ZNF608: variants seen among roughly 807,000 people sequenced by gnomAD.
The protein encoded by ZNF608 is renal carcinoma antigen NY-REN-36.
In ZNF608, 12 loss-of-function variants were observed where a neutral mutation model predicts 109.0. The observed-to-expected ratio is 0.11, with a 90% CI of 0.07 to 0.18. The LOEUF is 0.18. ZNF608 is among the 10% of genes least tolerant of loss of function. The pLI is 1.00. For synonymous variants in ZNF608, 732 were observed against 717.4 expected, an observed-to-expected ratio of 1.02 and a Z score of -0.33; for missense variants, 1,707 against 1,879.3, an observed-to-expected ratio of 0.91 and a Z score of 1.70.
intron 7 of ZNF608, among the ~76,000 whole-genome samples, chr5:124,641,920 A>T (rs781327949): frequency 9.9e-5 from 15 of 152,166 alleles, no homozygotes; most frequent in Non-Finnish European, 1.6e-4. Context: ...CACATTTTGA[A>T]TCTCTCAATT....
chr5:124,652,123 C>T (rs576859967), intron 3 of ZNF608, among the ~76,000 whole-genome samples: 21 of 152,238 alleles, frequency 1.4e-4, no homozygotes, highest in Admixed American at 2.6e-4. Context: ...GGCAATTAAT[C>T]ACTGGTTATC....
At chr5:124,713,382 C>T (rs1051384190) in intron 2 of ZNF608, among the ~76,000 whole-genome samples, 1 of 152,208 alleles carries the variant, frequency 6.6e-6, no homozygotes, top group African/African-American at 2.4e-5. Flanking sequence ...GTCTGTTTTC[C>T]TAAGGCCTGA....
At chr5:124,665,443 T>A (rs1751438478) in intron 3 of ZNF608, among the ~76,000 whole-genome samples, 2 of 152,214 alleles carry the variant, frequency 1.3e-5, no homozygotes, top group Non-Finnish European at 2.9e-5. Context: ...ATTATAATTA[T>A]GTTCCCCAGT....
Position 124,638,028 on chromosome 5 carries a change from G to A in ZNF608, c.4533-122C>T, listed in dbSNP as rs1030542026. The A allele has an allele frequency of 9.6e-5, 93 of 972,910 alleles. 1 individual carries two copies. The highest frequency in any genetic ancestry group is 2.7e-5 in the Non-Finnish European group (17 of 633,692). The allele number at this position is 972,910 out of a possible 1,614,324, so 60.3% of individuals were successfully genotyped here. ...TGCCATGGCTCAATCTCGGCTCACCGCAACCTCTGCCTCCTGGGTTCAAGT... is the reference window on the plus strand; with the variant it reads ...TGCCATGGCTCAATCTCGGCTCACCACAACCTCTGCCTCCTGGGTTCAAGT... On this transcript the variant is annotated intron_variant, in intron 9 of 9. Transcript: ENST00000513986.
intron 3 of ZNF608, among the ~76,000 whole-genome samples, chr5:124,650,255 C>T (rs553218051): frequency 6.6e-6 from 1 of 152,310 alleles, no homozygotes; most frequent in African/African-American, 2.4e-5. Context: ...CAATCAACTA[C>T]GATTTCACTT....
At chr5:124,694,592 T>C (rs1041476540) in intron 3 of ZNF608, among the ~76,000 whole-genome samples, 1 of 152,016 alleles carries the variant, frequency 6.6e-6, no homozygotes, top group Non-Finnish European at 1.5e-5. Flanking sequence ...ATTATTATAC[T>C]TTAAGTTCTA....
chr5:124,681,777 T>C (rs1752207219), intron 3 of ZNF608, among the ~76,000 whole-genome samples: 1 of 152,170 alleles, frequency 6.6e-6, no homozygotes, highest in South Asian at 2.1e-4. Flanking sequence ...AAGGATGGCA[T>C]TGACATATGT....
intron 2 of ZNF608, among the ~76,000 whole-genome samples, chr5:124,728,055 A>G (rs894018241): frequency 6.6e-6 from 1 of 152,118 alleles, no homozygotes; most frequent in Non-Finnish European, 1.5e-5. Flanking sequence ...TATCTTAAGA[A>G]ACATCTGTAA....
rs1209894356 is a variant in ZNF608 at position 124,744,036 on chromosome 5, A to G, written c.906+48T>C. 5 of 1,534,820 alleles carry G rather than the reference A, an allele frequency of 3.3e-6. No homozygotes were observed. The highest frequency in any genetic ancestry group is 4.4e-6 in the Non-Finnish European group (5 of 1,142,146). On this transcript the variant is annotated intron_variant, in intron 2 of 9. Coordinates refer to ENST00000513986, the MANE Select transcript of ZNF608 (RefSeq NM_020747.3). This position sits in a 1 kb window ranked among gnomAD's most constrained non-coding sequence, Gnocchi z 4.5. ...GGCACACCCCCACACACCCACACAA[A>G]TGCACACAGAGGAGAGTAGGACATC...
Position 124,745,184 on chromosome 5 carries a change from G to C in ZNF608, c.-183-12C>G, listed in dbSNP as rs1173948557. 4.3e-6 allele frequency: 6 copies of C among 1,403,914 alleles called. No homozygotes were observed. The East Asian group carries it at 1.0e-4, about 24-fold the overall frequency. The allele number at this position is 1,403,914 out of a possible 1,614,324, so 87.0% of individuals were successfully genotyped here. A position where few individuals can be genotyped will look rare whatever the true frequency, so the allele number is the denominator to read the frequency against. The stretch of plus-strand genomic sequence containing the variant: ...AGGTCCACCTTTTCCTGTGAAGGGG[G>C]GGGGAAAAGTCGAATATTTCTTGTC... On this transcript the variant is annotated splice_polypyrimidine_tract_variant and intron_variant, in intron 1 of 9. Transcript: ENST00000513986.
In ZNF608 at chr5:124,745,092, ATCT is replaced by A. The variant is rs1749590390; in HGVS notation, c.-106_-104del. 2 of 1,464,068 alleles carry A rather than the reference ATCT, an allele frequency of 1.4e-6. No individual in the cohort carries two copies. Among genetic ancestry groups the A allele is most frequent in the East Asian group, 2.4e-5 (1 of 41,006 alleles). 90.7% of individuals were successfully genotyped at this position (1,464,068 alleles called of 1,614,324 possible). ...GGGCTTTCTCTCAAAGAAAAAAAAAATCTTCTAATCTTCCTCTTCTTTTTCCTG... is the reference window on the plus strand; with the variant it reads ...GGGCTTTCTCTCAAAGAAAAAAAAAATCTAATCTTCCTCTTCTTTTTCCTG... On this transcript the variant is annotated 5_prime_UTR_variant, in exon 2 of 10. Coordinates refer to ENST00000513986, the MANE Select transcript of ZNF608 (RefSeq NM_020747.3).
intron 2 of ZNF608, among the ~76,000 whole-genome samples, chr5:124,722,711 A>T (rs1307421874): frequency 2.0e-5 from 3 of 152,096 alleles, no homozygotes; most frequent in African/African-American, 4.8e-5. Context: ...ATCTTCAAAT[A>T]AGCTATCTGA....
upstream of ZNF608, among the ~76,000 whole-genome samples, chr5:124,747,286 T>A (rs931369159): frequency 6.6e-6 from 1 of 151,526 alleles, no homozygotes; most frequent in Non-Finnish European, 1.5e-5. Context: ...CAGCCCCTCC[T>A]GTGTTTAGTC....
intron 2 of ZNF608, among the ~76,000 whole-genome samples, chr5:124,733,767 G>A (rs549299274): frequency 1.8e-4 from 27 of 152,224 alleles, no homozygotes; most frequent in Non-Finnish European, 3.5e-4. Flanking sequence ...TAGTCATTGA[G>A]TAAGAAGAAA....
intron 3 of ZNF608, among the ~76,000 whole-genome samples, chr5:124,693,245 C>T (rs1752689346): frequency 6.6e-6 from 1 of 152,144 alleles, no homozygotes; most frequent in African/African-American, 2.4e-5. Context: ...TGATTACAAG[C>T]TATTCTTTGC....
At chr5:124,746,662 G>C (rs898594554), upstream of ZNF608, 2 of 985,184 alleles carry the variant, frequency 2.0e-6, no homozygotes, top group Non-Finnish European at 2.4e-6. Flanking sequence ...GCTAACATCG[G>C]GATAAATTAG....
chr5:124,715,524 T>C, intron 2 of ZNF608, among the ~76,000 whole-genome samples: 1 of 152,340 alleles, frequency 6.6e-6, no homozygotes, highest in East Asian at 1.9e-4. Flanking sequence ...TTTAGCATTA[T>C]CTAGACTACA....
At chr5:124,694,302 C>A (rs921397720) in intron 3 of ZNF608, among the ~76,000 whole-genome samples, 6 of 151,458 alleles carry the variant, frequency 4.0e-5, no homozygotes, top group African/African-American at 1.5e-4. Context: ...CCTCATTAAT[C>A]TTAAAATGAA....
At chr5:124,722,566 A>G (rs867828082) in intron 2 of ZNF608, among the ~76,000 whole-genome samples, 1 of 140,198 alleles carries the variant, frequency 7.1e-6, no homozygotes, top group Middle Eastern at 3.7e-3. Context: ...CTATAAATAA[A>G]CCCTTAAAAT....
Sources: allele counts gnomAD v4.1 joint callset (sites outside exome capture counted in the v4.1 genomes callset), GRCh38; gene constraint gnomAD v4.1.1; non-coding constraint Gnocchi (gnomAD v3.1); transcripts MANE v1.5; gene names NCBI Gene and HGNC (gene_info 2026-07-23, HGNC 2026-07-21).